The following TM2D3 variants were observed in gnomAD, a reference collection of about 807,000 sequenced individuals.
The protein encoded by TM2D3 is TM2 domain-containing protein 3.
A neutral mutation model predicts 27.3 loss-of-function variants in TM2D3; 33 were observed. The ratio of observed to expected loss-of-function variants is 1.21; its 90% CI spans 0.92 to 1.61. The LOEUF (loss-of-function observed/expected upper bound fraction) is 1.61, where lower values mean the gene tolerates loss of function less well. TM2D3 is among the 40% of genes most tolerant of loss of function. The probability of loss-of-function intolerance (pLI) is 0.00; values close to 1 mark genes in which losing one functional copy is unlikely to be tolerated. For synonymous variants in TM2D3, 138 were observed against 122.2 expected (o/e 1.13, Z -0.85); for missense variants, 364 against 320.8 (o/e 1.13, Z -1.03).
At chr15:101,651,520 C>T (rs1268416934) in intron 2 of TM2D3, 176 bp downstream of exon 2, 4 of 595,774 alleles carry the variant, frequency 6.7e-6, no homozygotes, top group Non-Finnish European at 1.2e-5. Context: ...GGTATAAATA[C>T]GAAGACTATC....
downstream of TM2D3, among the ~76,000 whole-genome samples, chr15:101,637,480 A>G (rs150203529): frequency 2.4e-3 from 373 of 152,344 alleles, 3 homozygotes; most frequent in Non-Finnish European, 2.6e-3. Flanking sequence ...TGGGGTTAAA[A>G]TATTTTGATT....
chr15:101,634,005 T>A (rs557923354), intron 4 of TM2D3: 35 of 314,394 alleles, frequency 1.1e-4, no homozygotes, highest in Non-Finnish European at 1.8e-4. Flanking sequence ...ATAGAAGATA[T>A]AAAAAGGTAC....
rs1896698924 is a variant in TM2D3, at chr15:101,642,662, C to G, written c.579-18G>C. ...GGGTGATGCTGCGATGGCAAACAGA[C>G]AGGATTCCATGAGACCACCTCCACC... On this transcript the variant is annotated intron_variant, in intron 5 of 5. Coordinates refer to ENST00000333202, the MANE Select transcript of TM2D3 (RefSeq NM_078474.3). 1.3e-6 allele frequency: 2 copies of G among 1,581,370 alleles called. No individual in the cohort carries two copies. The highest frequency in any genetic ancestry group is 1.7e-6 in the Non-Finnish European group (2 of 1,161,460).
In TM2D3 at chr15:101,651,792, C is replaced by A; in HGVS notation, c.92-19G>T. 1 of 1,613,414 alleles carries A rather than the reference C, an allele frequency of 6.2e-7. No individual in the cohort carries two copies. The highest frequency in any genetic ancestry group is 8.5e-7 in the Non-Finnish European group (1 of 1,179,386). On this transcript the variant is annotated intron_variant, in intron 1 of 5. Coordinates refer to ENST00000333202, the MANE Select transcript of TM2D3 (RefSeq NM_078474.3). ...GATTGCTCTAAATTTAAGGATCGTACAATTAGAGAAACACGTTATCCCGGG... is the reference window on the plus strand; with the variant it reads ...GATTGCTCTAAATTTAAGGATCGTAAAATTAGAGAAACACGTTATCCCGGG...
At chr15:101,646,387 G>A in intron 4 of TM2D3, 2 of 108,474 alleles carry the variant, frequency 1.8e-5, no homozygotes, top group South Asian at 1.0e-4. Context: ...AGGAGGAAAG[G>A]CAACCAGGTG....
chr15:101,645,385 C>CCACA (rs1428792925), intron 4 of TM2D3: 2 of 554,048 alleles, frequency 3.6e-6, no homozygotes, highest in Admixed American at 6.5e-5. Flanking sequence ...AAATGCTCAC[C>CCACA]CACATATCAA....
intron 5 of TM2D3, 23 bp from the exon 6 acceptor site, chr15:101,642,667 T>A (rs757994919): frequency 6.4e-7 from 1 of 1,569,986 alleles, no homozygotes; most frequent in South Asian, 1.2e-5. Context: ...ACAGACAGGA[T>A]TCCATGAGAC....
downstream of TM2D3, among the ~76,000 whole-genome samples, chr15:101,638,887 A>G (rs1218724145): frequency 6.6e-6 from 1 of 152,142 alleles, no homozygotes; most frequent in Non-Finnish European, 1.5e-5. Context: ...CAATACTTTT[A>G]GGTGTTTAGC....
At chr15:101,633,319 G>T (rs1896488326) in exon 5 of TM2D3, 4 of 225,050 alleles carry the variant, frequency 1.8e-5, no homozygotes, top group Admixed American at 1.1e-4. Context: ...ACAACACGTT[G>T]TGGATGAATA....
chr15:101,638,974 C>G (rs1444669208), downstream of TM2D3, among the ~76,000 whole-genome samples: 1 of 152,190 alleles, frequency 6.6e-6, no homozygotes, highest in East Asian at 1.9e-4. Context: ...CGGCAGGGCT[C>G]TCAGAGCTGA....
At chr15:101,649,599 C>A (rs951222272) in intron 3 of TM2D3, among the ~76,000 whole-genome samples, 15 of 152,236 alleles carry the variant, frequency 9.9e-5, no homozygotes, top group Admixed American at 6.5e-4. Context: ...CAGATAAGCA[C>A]TGGCCCTTCA....
At chr15:101,647,391 C>T (rs1896843243) in intron 3 of TM2D3, among the ~76,000 whole-genome samples, 1 of 152,170 alleles carries the variant, frequency 6.6e-6, no homozygotes, top group African/African-American at 2.4e-5. Context: ...GGTTAACACA[C>T]CGCCTTGCTT....
chr15:101,646,539 G>A, intron 4 of TM2D3, 186 bp downstream of exon 4: 1 of 611,636 alleles, frequency 1.6e-6, no homozygotes, highest in Non-Finnish European at 2.9e-6. Flanking sequence ...CATTTAAAAA[G>A]AACTGCAATT....
intron 4 of TM2D3, chr15:101,636,104 C>G (rs117220934): frequency 6.6e-6 from 1 of 152,050 alleles, no homozygotes; most frequent in Non-Finnish European, 1.5e-5. Flanking sequence ...TACTTCATTC[C>G]TTTATGTGAT....
chr15:101,649,981 A>C, intron 3 of TM2D3, 23 bp downstream of exon 3: 1 of 1,602,242 alleles, frequency 6.2e-7, no homozygotes, highest in Non-Finnish European at 8.5e-7. Context: ...ATTTATTTAG[A>C]ATAAGTAAGC....
At chr15:101,651,955 A>G in intron 1 of TM2D3, 182 bp from the exon 2 acceptor site, 1 of 636,460 alleles carries the variant, frequency 1.6e-6, no homozygotes. Flanking sequence ...ACATCAGTTC[A>G]GGTCAGCCGG....
In TM2D3 at chr15:101,651,620, G is replaced by A. The variant is rs182398840; in HGVS notation, c.169+76C>T. On this transcript the variant is annotated intron_variant, in intron 2 of 5. Coordinates refer to ENST00000333202, the MANE Select transcript of TM2D3 (RefSeq NM_078474.3). Reference sequence around the variant, plus strand: ...ATGGAAAGTGACTTCGTATACTAAAGGGAATTTTTATAAAAACAAAGAGAA... The same window carrying A: ...ATGGAAAGTGACTTCGTATACTAAAAGGAATTTTTATAAAAACAAAGAGAA... 34 of 1,414,378 alleles carry A rather than the reference G, an allele frequency of 2.4e-5. No individual in the cohort carries two copies. In the East Asian group the frequency reaches 7.3e-4, roughly 30 times the overall value. The allele number at this position is 1,414,378 out of a possible 1,614,324, so 87.6% of individuals were successfully genotyped here.
intron 4 of TM2D3, chr15:101,645,531 A>C (rs1373146399): frequency 4.9e-6 from 1 of 202,610 alleles, no homozygotes; most frequent in African/African-American, 2.4e-5. Context: ...CAGAGGTCAC[A>C]CACGGATCAA....
At chr15:101,633,647 C>A (rs1234554745) in exon 5 of TM2D3, 4 of 1,525,552 alleles carry the variant, frequency 2.6e-6, no homozygotes, top group South Asian at 2.4e-5. Flanking sequence ...TTCTCACGCT[C>A]CTCAAAAATC....
Sources: gnomAD v4.1 joint callset for allele counts (sites outside exome capture counted in the v4.1 genomes callset) on GRCh38, gnomAD v4.1.1 for gene constraint, MANE v1.5 for transcripts, NCBI Gene and HGNC (gene_info 2026-07-23, HGNC 2026-07-21) for gene names.